CLN6: variants seen among roughly 807,000 people sequenced by gnomAD.
CLN6 encodes ceroid-lipofuscinosis neuronal protein 6.
A neutral mutation model predicts 33.3 loss-of-function variants in CLN6; 22 were observed. The observed-to-expected ratio is 0.66, with a 90% confidence interval of 0.47 to 0.94. The LOEUF (loss-of-function observed/expected upper bound fraction) is 0.94. CLN6 is among the 40% of genes least tolerant of loss of function. The probability of loss-of-function intolerance (pLI) is 0.00; values close to 1 mark genes in which losing one functional copy is unlikely to be tolerated. For missense variants in CLN6, 387 were observed against 417.1 expected, an observed-to-expected ratio of 0.93 and a Z score of 0.63; for synonymous variants, 201 against 174.6, an observed-to-expected ratio of 1.15 and a Z score of -1.19.
Position 68,242,160 on chromosome 15 carries a change from A to G in CLN6, c.179+14530T>C, listed in dbSNP as rs947617483. 5.3e-5 allele frequency among the ~76,000 whole-genome samples: 8 copies of G among 152,216 alleles called. No homozygotes were observed. The highest frequency in any genetic ancestry group is 1.3e-4 in the Admixed American group (2 of 15,264). On this transcript the variant is annotated intron_variant, in intron 1 of 6. Transcript: ENST00000538696. The surrounding 1 kb of genome is among the most constrained non-coding windows in gnomAD (Gnocchi z 5.0). ...TCTCTGACCAAGAATTCAAAATAGCAGTTTTAAGGAAACTCAGTGATCTAC... is the reference window on the plus strand; with the variant it reads ...TCTCTGACCAAGAATTCAAAATAGCGGTTTTAAGGAAACTCAGTGATCTAC...
At chr15:68,249,490 C>T (rs1892356560) in intron 1 of CLN6, among the ~76,000 whole-genome samples, 1 of 152,088 alleles carries the variant, frequency 6.6e-6, no homozygotes, top group Non-Finnish European at 1.5e-5. Flanking sequence ...TACTGTTCAG[C>T]CATGAAAAAG....
At chr15:68,225,505 C>T (rs1197836127) in intron 1 of CLN6, among the ~76,000 whole-genome samples, 2 of 152,088 alleles carry the variant, frequency 1.3e-5, no homozygotes, top group African/African-American at 4.8e-5. Flanking sequence ...GTTTTGGAGA[C>T]AAGGTCTTGC....
intron 2 of CLN6, chr15:68,215,518 A>C (rs1231806884): frequency 6.6e-6 from 1 of 151,428 alleles, no homozygotes; most frequent in Admixed American, 6.6e-5. Flanking sequence ...TTTCTTTTTT[A>C]TTGAGATGAG....
intron 1 of CLN6, among the ~76,000 whole-genome samples, chr15:68,250,936 T>A (rs1892372874): frequency 6.6e-6 from 1 of 152,204 alleles, no homozygotes. Flanking sequence ...TAACTCTGTA[T>A]GAGGTTAGTA....
At position 68,218,630 on chromosome 15, in the gene CLN6, T is replaced by C. The variant is rs2093227160; in HGVS notation, c.104A>G (p.Asp35Gly). The C allele has an allele frequency of 6.2e-7, 1 of 1,613,614 alleles. No individual in the cohort carries two copies. The highest frequency in any genetic ancestry group is 1.1e-5 in the South Asian group (1 of 91,068). The change falls in exon 2 of 7, where the codon GAT (aspartate) becomes GGT (glycine). Residue 35 changes from aspartate (D) to glycine (G), a missense_variant. Transcript: ENST00000249806. Reference sequence around the variant, plus strand: ...GAAGGGAGCCGTGCGGGCAGCCTCATCAGCGCTCACAGAGCCATGCCTGGG... The same window carrying C: ...GAAGGGAGCCGTGCGGGCAGCCTCACCAGCGCTCACAGAGCCATGCCTGGG... The part of the protein sequence containing the change: ...LQARHGSVSA[D>G]EAARTAPFHL...
At chr15:68,226,665 C>A (rs1490082745) in intron 1 of CLN6, among the ~76,000 whole-genome samples, 1 of 152,066 alleles carries the variant, frequency 6.6e-6, no homozygotes, top group Admixed American at 6.6e-5. Context: ...CAGGGTTTCT[C>A]CATGTTGGTC....
At position 68,256,448 on chromosome 15, in the gene CLN6, AATTAC is replaced by A. The variant is rs1436110615; in HGVS notation, c.179+237_179+241del. ...TAAATGTGGTTACTAGAAAATGTAA[AATTAC>A]ATATGTGGCTCGCACTGTATTTCTG... On this transcript the variant is annotated intron_variant, in intron 1 of 6. Coordinates refer to the CLN6 transcript ENST00000538696. The surrounding 1 kb of genome is among the most constrained non-coding windows in gnomAD (Gnocchi z 4.1). Among the ~76,000 whole-genome samples the A allele has an allele frequency of 1.3e-5, 2 of 152,158 alleles. No individual in the cohort carries two copies. Among genetic ancestry groups the A allele is most frequent in the African/African-American group, 4.8e-5 (2 of 41,446 alleles).
At chr15:68,212,053 G>C in intron 3 of CLN6, 190 bp from the exon 4 acceptor site, 1 of 618,312 alleles carries the variant, frequency 1.6e-6, no homozygotes, top group Non-Finnish European at 2.8e-6. Context: ...AACCCCGGAG[G>C]GAATGTGGAG....
intron 2 of CLN6, chr15:68,215,684 C>G (rs2093218788): frequency 6.6e-6 from 1 of 152,222 alleles, no homozygotes; most frequent in African/African-American, 2.4e-5. Context: ...GTTGCCAGGA[C>G]TGGCCTCAGG....
At chr15:68,237,891 G>A (rs562376462) in intron 1 of CLN6, among the ~76,000 whole-genome samples, 121 of 151,294 alleles carry the variant, frequency 8.0e-4, no homozygotes, top group African/African-American at 2.8e-3. Context: ...TTGGGCGGCC[G>A]AGGCGGGGGG....
Position 68,218,590 on chromosome 15 carries a change from C to A in CLN6, c.144G>T (p.Trp48Cys). ...CCCAGTTCTGCAGTGTGAAGTAGAA[C>A]CAGAGGTCGAGGTGGAAGGGAGCCG... is the stretch of plus-strand genomic sequence containing the variant. ...ARTAPFHLDL[W>C]FYFTLQNWVL... is the part of the protein sequence containing the mutation. The change falls in exon 2 of 7, where the codon TGG becomes TGT. Residue 48 changes from tryptophan to cysteine, a missense_variant. Physicochemically the swap from Trp to Cys is radical, Grantham distance 215. Coordinates refer to ENST00000249806, the MANE Select transcript of CLN6 (RefSeq NM_017882.3). 2 of 1,613,958 alleles carry A rather than the reference C, an allele frequency of 1.2e-6. No homozygotes were observed. The highest frequency in any genetic ancestry group is 1.7e-6 in the Non-Finnish European group (2 of 1,179,956).
rs2093192899 is a variant in CLN6, at chr15:68,208,092, T to C, written c.*48A>G. On this transcript the variant is annotated 3_prime_UTR_variant, in exon 7 of 7. Transcript: ENST00000249806. This position sits in a 1 kb window ranked among gnomAD's most constrained non-coding sequence, Gnocchi z 5.8. ...TACTCCTGTATTCAGATGCCCTCCA[T>C]GGCCCACCCTCCCACCCAGCAGAGC... The C allele has an allele frequency of 2.0e-6, 3 of 1,469,944 alleles. No homozygotes were observed. Among genetic ancestry groups the C allele is most frequent in the African/African-American group, 1.4e-5 (1 of 71,480 alleles). 91.1% of individuals were successfully genotyped at this position (1,469,944 alleles called of 1,614,324 possible).
intron 1 of CLN6, among the ~76,000 whole-genome samples, chr15:68,226,790 G>C (rs998479556): frequency 3.3e-5 from 5 of 152,058 alleles, no homozygotes; most frequent in Middle Eastern, 6.8e-3. Context: ...AAGGGTCGTG[G>C]TTTAATTAAT....
chr15:68,250,629 A>T (rs1477889027), intron 1 of CLN6, among the ~76,000 whole-genome samples: 1 of 151,652 alleles, frequency 6.6e-6, no homozygotes, highest in Non-Finnish European at 1.5e-5. Context: ...TGTCTCAAAA[A>T]AAAAAAAAAA....
upstream of CLN6, among the ~76,000 whole-genome samples, chr15:68,233,314 G>A (rs116907025): frequency 7.1e-6 from 1 of 141,410 alleles, no homozygotes; most frequent in Non-Finnish European, 1.6e-5. The surrounding 1 kb of genome is among the most constrained non-coding windows in gnomAD (Gnocchi z 4.3). Context: ...GGGGTGGGGG[G>A]GGTGGTGCCC....
At chr15:68,222,477 C>T (rs1272064380) in intron 1 of CLN6, among the ~76,000 whole-genome samples, 1 of 149,414 alleles carries the variant, frequency 6.7e-6, no homozygotes, top group Non-Finnish European at 1.5e-5. Flanking sequence ...GCGCCTCTGC[C>T]CGGCCGCCCC....
upstream of CLN6, among the ~76,000 whole-genome samples, chr15:68,234,694 C>A (rs1378346971): frequency 6.6e-6 from 1 of 152,190 alleles, no homozygotes; most frequent in African/African-American, 2.4e-5. The surrounding 1 kb of genome is among the most constrained non-coding windows in gnomAD (Gnocchi z 4.1). Flanking sequence ...CTTATCATTT[C>A]TTTTTCCTTA....
chr15:68,214,521 T>G, intron 2 of CLN6, 133 bp from the exon 3 acceptor site: 1 of 683,738 alleles, frequency 1.5e-6, no homozygotes, highest in Non-Finnish European at 2.7e-6. Flanking sequence ...CACTTAATTC[T>G]TCCTGTGATC....
intron 1 of CLN6, among the ~76,000 whole-genome samples, chr15:68,240,204 C>T (rs1383458315): frequency 6.6e-6 from 1 of 152,020 alleles, no homozygotes; most frequent in African/African-American, 2.4e-5. Flanking sequence ...GAAAAAAACT[C>T]CCAATAGAAT....
Sources: allele counts gnomAD v4.1 joint callset (sites outside exome capture counted in the v4.1 genomes callset), GRCh38; gene constraint gnomAD v4.1.1; non-coding constraint Gnocchi (gnomAD v3.1); transcripts MANE v1.5; gene names NCBI Gene and HGNC (gene_info 2026-07-23, HGNC 2026-07-21).